ASB6: variants seen among roughly 807,000 people sequenced by gnomAD.
The protein encoded by ASB6 is ankyrin repeat and SOCS box protein 6.
ASB6 carries 24 observed loss-of-function variants against 28.6 expected under a neutral mutation model. That is an observed-to-expected ratio of 0.84 (90% confidence interval 0.61 to 1.18). ASB6 has a LOEUF of 1.18. Among genes scored for constraint, ASB6 ranks in the 50% most tolerant of loss-of-function variants. ASB6 has a pLI of 0.00. For synonymous variants in ASB6, 267 were observed against 243.4 expected (o/e 1.10, Z -0.90); for missense variants, 519 against 559.8 (o/e 0.93, Z 0.74).
intron 5 of ASB6, 36 bp downstream of exon 5, chr9:129,638,537 G>A (rs1323195108): frequency 6.2e-7 from 1 of 1,612,172 alleles, no homozygotes; most frequent in East Asian, 2.2e-5. Context: ...GAAGGGGCGG[G>A]TGAGAGGACG....
Position 129,638,413 on chromosome 9 carries a change from T to C in ASB6, c.643A>G (p.Thr215Ala), listed in dbSNP as rs776226495. Residue 215 changes from threonine (T) to alanine (A), a missense_variant, in exon 6 of 6, where the codon ACC (threonine) becomes GCC (alanine). Coordinates refer to ENST00000277458, the MANE Select transcript of ASB6 (RefSeq NM_017873.4). ...TCACCAAGCAGGAAGATGATGCAGG[T>C]GAACACTGTGTCCCCATCTTTGGTG... ...ATTKDGDTVF[T>A]CIIFLLGETV... 2.5e-6 allele frequency: 4 copies of C among 1,613,514 alleles called. No homozygotes were observed. The highest frequency in any genetic ancestry group is 3.4e-6 in the Non-Finnish European group (4 of 1,179,750).
chr9:129,635,631 G>C lies in ASB6; in HGVS notation c.*2159C>G. 1.2e-6 allele frequency: 1 copy of C among 839,032 alleles called. No individual in the cohort carries two copies. Among genetic ancestry groups the C allele is most frequent in the Non-Finnish European group, 1.9e-6 (1 of 536,606 alleles). 52.0% of individuals were successfully genotyped at this position (839,032 alleles called of 1,614,324 possible). The stretch of plus-strand genomic sequence containing the variant: ...GGGCTCTTCTTCAAAAGGCAAGGTG[G>C]GACCCGGCGGGGAGGGTGCTGCTGA... On this transcript the variant is annotated 3_prime_UTR_variant, in exon 6 of 6. Coordinates refer to ENST00000277458, the MANE Select transcript of ASB6 (RefSeq NM_017873.4).
In ASB6 at chr9:129,635,193, C is replaced by A; in HGVS notation, c.*2597G>T. On this transcript the variant is annotated 3_prime_UTR_variant, in exon 6 of 6. Transcript: ENST00000277458. ...TTGCATGGTGCCCTGGTAACCTTGC[C>A]TCTGCCCTCCCCAGGCCACCTCACC... 1 of 1,600,450 alleles carries A rather than the reference C, an allele frequency of 6.2e-7. No homozygotes were observed. Among genetic ancestry groups the A allele is most frequent in the South Asian group, 1.1e-5 (1 of 90,720 alleles).
At chr9:129,641,774 C>T in intron 1 of ASB6, 113 bp downstream of exon 1, 2 of 1,144,120 alleles carry the variant, frequency 1.7e-6, no homozygotes, top group East Asian at 3.2e-5. Flanking sequence ...GGCTTCCGCC[C>T]GTCCCTTCCT....
In ASB6 at chr9:129,640,569, C is replaced by A; in HGVS notation, c.267G>T (p.Leu89Phe). The A allele has an allele frequency of 6.2e-7, 1 of 1,611,864 alleles. No individual in the cohort carries two copies. The highest frequency in any genetic ancestry group is 8.5e-7 in the Non-Finnish European group (1 of 1,179,498). Residue 89 changes from leucine (L) to phenylalanine (F), a missense_variant, in exon 2 of 6, where the codon TTG (leucine) becomes TTT (phenylalanine). Physicochemically the swap from Leu to Phe is conservative, Grantham distance 22 (BLOSUM62 0). Coordinates refer to ENST00000277458, the MANE Select transcript of ASB6 (RefSeq NM_017873.4). ...LGLTRAADVL[L>F]RHGANLNFED... The stretch of plus-strand genomic sequence containing the variant: ...CAAAGTTGAGATTGGCCCCATGCCG[C>A]AAGAGAACGTCGGCCGCCCGCGTCA...
Position 129,636,491 on chromosome 9 carries a change from G to T in ASB6, c.*1299C>A, listed in dbSNP as rs1831556751. The T allele has an allele frequency of 6.6e-6, 1 of 151,840 alleles. No homozygotes were observed. The highest frequency in any genetic ancestry group is 6.6e-5 in the Admixed American group (1 of 15,240). 9.4% of individuals were successfully genotyped at this position (151,840 alleles called of 1,614,324 possible). ...GCAGGCGAATCACCTGAGGTCAGGA[G>T]TTTGAGACCAGCCTGACCAACATGG... On this transcript the variant is annotated 3_prime_UTR_variant, in exon 6 of 6. Transcript: ENST00000277458.
rs750436777 is a variant in ASB6, at chr9:129,639,514, G to A, written c.296-6C>T. The A allele has an allele frequency of 6.2e-7, 1 of 1,610,336 alleles. No homozygotes were observed. On this transcript the variant is annotated splice_polypyrimidine_tract_variant and splice_region_variant and intron_variant, in intron 2 of 5. Coordinates refer to ENST00000277458, the MANE Select transcript of ASB6 (RefSeq NM_017873.4). Reference sequence around the variant, plus strand: ...CGTGTAGTAGGTGACTGGGTCTGAAGGTGCAGACACAGCTCATGTGGGTCC... The same window carrying A: ...CGTGTAGTAGGTGACTGGGTCTGAAAGTGCAGACACAGCTCATGTGGGTCC...
Position 129,635,138 on chromosome 9 carries a change from A to T in ASB6, c.*2652T>A. The T allele has an allele frequency of 6.5e-7, 1 of 1,542,606 alleles. No homozygotes were observed. The highest frequency in any genetic ancestry group is 1.8e-5 in the Admixed American group (1 of 56,998). On this transcript the variant is annotated 3_prime_UTR_variant, in exon 6 of 6. Transcript: ENST00000277458. Reference sequence around the variant, plus strand: ...AAATGAGGGGCTCAGCGGGGCTGAGAAGTACATCCCATCCAGTGCCGACAT... The same window carrying T: ...AAATGAGGGGCTCAGCGGGGCTGAGTAGTACATCCCATCCAGTGCCGACAT...
At chr9:129,640,930 T>C (rs1391301797) in intron 1 of ASB6, among the ~76,000 whole-genome samples, 1 of 152,136 alleles carries the variant, frequency 6.6e-6, no homozygotes, top group East Asian at 1.9e-4. Context: ...TTGCGGAGAA[T>C]GGGCTGGGTC....
rs1160401519 is a variant in ASB6, at chr9:129,638,603, T to C, written c.568A>G (p.Thr190Ala). 6.2e-7 allele frequency: 1 copy of C among 1,613,916 alleles called. No homozygotes were observed. Among genetic ancestry groups the C allele is most frequent in the Non-Finnish European group, 8.5e-7 (1 of 1,179,924 alleles). The part of the protein sequence containing the change: ...ASSDGVQIHN[T>A]ENIRLLLEGG... Reference sequence around the variant, plus strand: ...TCCAGTAAGAGACGAATGTTCTCAGTATTGTGGATCTGCACCCCGTCGCTG... The same window carrying C: ...TCCAGTAAGAGACGAATGTTCTCAGCATTGTGGATCTGCACCCCGTCGCTG... The change falls in exon 5 of 6, where the codon ACT becomes GCT. Residue 190 changes from threonine to alanine, a missense_variant. Coordinates refer to ENST00000277458, the MANE Select transcript of ASB6 (RefSeq NM_017873.4).
Position 129,642,010 on chromosome 9 carries a change from C to T in ASB6, c.-11G>A, listed in dbSNP as rs369054164. The T allele has an allele frequency of 2.5e-5, 40 of 1,590,174 alleles. No homozygotes were observed. Among genetic ancestry groups the T allele is most frequent in the African/African-American group, 1.4e-4 (10 of 72,434 alleles). On this transcript the variant is annotated 5_prime_UTR_variant, in exon 1 of 6. Transcript: ENST00000277458. This position sits in a 1 kb window ranked among gnomAD's most constrained non-coding sequence, Gnocchi z 4.3. ...GTGCAGGAACGGCATCGCCGCGGGC[C>T]CCGCGCAGCAGGGCCGTCGCGCTTT...
Position 129,637,982 on chromosome 9 carries a change from G to C in ASB6, c.1074C>G (p.Ile358Met). 1.2e-6 allele frequency: 2 copies of C among 1,608,596 alleles called. No individual in the cohort carries two copies. The highest frequency in any genetic ancestry group is 1.7e-6 in the Non-Finnish European group (2 of 1,176,952). The change falls in exon 6 of 6, where the codon ATC becomes ATG. Residue 358 changes from isoleucine (I) to methionine (M), a missense_variant. Coordinates refer to ENST00000277458, the MANE Select transcript of ASB6 (RefSeq NM_017873.4). The stretch of plus-strand genomic sequence containing the variant: ...GCCTCAAGGAGAAGTGGAGGGCCTG[G>C]ATCTTTTCCGCCAGGCTGCCCACAG... Reference protein sequence around the residue: ...IHPVGSLAEKIQALHFSLRQL... With the variant: ...IHPVGSLAEKMQALHFSLRQL...
At chr9:129,639,153 A>C (rs754181163) in intron 4 of ASB6, 49 bp downstream of exon 4, 1 of 1,536,130 alleles carries the variant, frequency 6.5e-7, no homozygotes, top group Non-Finnish European at 8.8e-7. Context: ...TGTCCCCCAC[A>C]AGGTGCCTGG....
chr9:129,637,564 T>A lies in ASB6; in HGVS notation c.*226A>T. 2.5e-6 allele frequency: 1 copy of A among 404,894 alleles called. No individual in the cohort carries two copies. The highest frequency in any genetic ancestry group is 4.3e-6 in the Non-Finnish European group (1 of 230,302). The allele number at this position is 404,894 out of a possible 1,614,324, so 25.1% of individuals were successfully genotyped here. A position where few individuals can be genotyped will look rare whatever the true frequency, so the allele number is the denominator to read the frequency against. ...TTCCTCTTTCCAACATGGGGGGGACTTGGAGTGCCGCTGGAGGGAAGGGGG... is the reference window on the plus strand; with the variant it reads ...TTCCTCTTTCCAACATGGGGGGGACATGGAGTGCCGCTGGAGGGAAGGGGG... On this transcript the variant is annotated 3_prime_UTR_variant, in exon 6 of 6. Coordinates refer to ENST00000277458, the MANE Select transcript of ASB6 (RefSeq NM_017873.4).
rs985670679 is a variant in ASB6 at position 129,637,949 on chromosome 9, C to T, written c.1107G>A (p.Glu369=). 6.3e-7 allele frequency: 1 copy of T among 1,596,338 alleles called. No individual in the cohort carries two copies. The highest frequency in any genetic ancestry group is 8.5e-7 in the Non-Finnish European group (1 of 1,170,636). The change falls in exon 6 of 6, where the codon GAG becomes GAA. Residue 369 remains glutamate (E), a synonymous_variant. Transcript: ENST00000277458. Reference sequence around the variant, plus strand: ...GGTGCTTGAGGGGCGGGGGATAGCTCTCCAGCTGCCTCAAGGAGAAGTGGA... The same window carrying T: ...GGTGCTTGAGGGGCGGGGGATAGCTTTCCAGCTGCCTCAAGGAGAAGTGGA... ...QALHFSLRQL[E]SYPPPLKHLC...
Position 129,635,227 on chromosome 9 carries a change from C to A in ASB6, c.*2563G>T, listed in dbSNP as rs766089614. On this transcript the variant is annotated 3_prime_UTR_variant, in exon 6 of 6. Transcript: ENST00000277458. ...CCCCAGGCCACCTCACCGATCAGCA[C>A]CTGGCCGAGTTCCTGCGGCGCTGCA... 6.2e-6 allele frequency: 10 copies of A among 1,611,004 alleles called. No homozygotes were observed.
Position 129,635,238 on chromosome 9 carries a change from T to G in ASB6, c.*2552A>C. ...CTCACCGATCAGCACCTGGCCGAGT[T>G]CCTGCGGCGCTGCAAGGGCAGCCTC... On this transcript the variant is annotated 3_prime_UTR_variant, in exon 6 of 6. Transcript: ENST00000277458. 1 of 1,612,106 alleles carries G rather than the reference T, an allele frequency of 6.2e-7. No individual in the cohort carries two copies. Among genetic ancestry groups the G allele is most frequent in the Non-Finnish European group, 8.5e-7 (1 of 1,179,988 alleles).
intron 5 of ASB6, 57 bp downstream of exon 5, chr9:129,638,516 C>CT: frequency 1.9e-6 from 3 of 1,610,720 alleles, no homozygotes; most frequent in Non-Finnish European, 2.5e-6. Flanking sequence ...GGCAAAGCAA[C>CT]AGCACACATC....
rs1396672823 is a variant in ASB6 at position 129,635,198 on chromosome 9, C to T, written c.*2592G>A. The T allele has an allele frequency of 6.2e-7, 1 of 1,602,204 alleles. No homozygotes were observed. Among genetic ancestry groups the T allele is most frequent in the African/African-American group, 1.3e-5 (1 of 74,998 alleles). On this transcript the variant is annotated 3_prime_UTR_variant, in exon 6 of 6. Coordinates refer to ENST00000277458, the MANE Select transcript of ASB6 (RefSeq NM_017873.4). ...TGGTGCCCTGGTAACCTTGCCTCTG[C>T]CCTCCCCAGGCCACCTCACCGATCA...
Sources: gnomAD v4.1 joint callset for allele counts (sites outside exome capture counted in the v4.1 genomes callset) on GRCh38, gnomAD v4.1.1 for gene constraint, Gnocchi (gnomAD v3.1) non-coding constraint, MANE v1.5 for transcripts, NCBI Gene and HGNC (gene_info 2026-07-23, HGNC 2026-07-21) for gene names.